The following BEND3 variants were observed in gnomAD, a reference collection of about 807,000 sequenced individuals.
BEND3 encodes the protein BEN domain containing 3.
A neutral mutation model predicts 60.1 loss-of-function variants in BEND3; 13 were observed. The observed-to-expected ratio is 0.22, with a 90% confidence interval of 0.14 to 0.34. The LOEUF (loss-of-function observed/expected upper bound fraction) is 0.34, where lower values mean the gene tolerates loss of function less well. Ranked by LOEUF, BEND3 falls within the 10% of genes least tolerant of loss-of-function variation. BEND3 has a pLI of 1.00. For missense variants in BEND3, 896 were observed against 1,138.1 expected (o/e 0.79, Z 3.06); for synonymous variants, 497 against 491.5 (o/e 1.01, Z -0.15).
At chr6:107,103,374 GCCTA>G (rs1415461084) in intron 1 of BEND3, among the ~76,000 whole-genome samples, 2 of 152,108 alleles carry the variant, frequency 1.3e-5, no homozygotes, top group South Asian at 2.1e-4. Context: ...CATTCCTCTC[GCCTA>G]CCTGACTATA....
chr6:107,106,936 CTTTT>C (rs35443143), intron 1 of BEND3, among the ~76,000 whole-genome samples: 3 of 128,518 alleles, frequency 2.3e-5, no homozygotes, highest in Admixed American at 7.9e-5. Flanking sequence ...TCAAAGAGGG[CTTTT>C]TTTTTTTTTT....
intron 1 of BEND3, chr6:107,114,543 G>C (rs1250159637): frequency 6.6e-6 from 1 of 151,516 alleles, no homozygotes; most frequent in Admixed American, 6.6e-5. Context: ...CTCGCCGCCC[G>C]GCATCTCCCT....
At chr6:107,082,485 A>T (rs1775254702) in intron 3 of BEND3, among the ~76,000 whole-genome samples, 1 of 152,102 alleles carries the variant, frequency 6.6e-6, no homozygotes, top group Non-Finnish European at 1.5e-5. Flanking sequence ...CCCAGGCTGG[A>T]GTGTAGTGGT....
chr6:107,099,280 G>A lies in BEND3; in HGVS notation c.6C>T (p.Asn2=). The stretch of plus-strand genomic sequence containing the variant: ...CTACATCTTCGGTGAATTCAGTTGA[G>A]TTCATCTTCTATTCCGCTAAATAAA... M[N]STEFTEDVEE... Residue 2 remains asparagine (N), a synonymous_variant, in exon 2 of 4, where the codon AAC becomes AAT. Coordinates refer to ENST00000369042, the MANE Select transcript of BEND3 (RefSeq NM_001367314.1). 1 of 1,610,262 alleles carries A rather than the reference G, an allele frequency of 6.2e-7. No individual in the cohort carries two copies. The highest frequency in any genetic ancestry group is 8.5e-7 in the Non-Finnish European group (1 of 1,177,556).
At chr6:107,073,274 C>G (rs1775030478) in intron 3 of BEND3, among the ~76,000 whole-genome samples, 1 of 116,804 alleles carries the variant, frequency 8.6e-6, no homozygotes. Context: ...TGTATGTGAG[C>G]AAATGGTCAG....
intron 3 of BEND3, among the ~76,000 whole-genome samples, chr6:107,074,592 G>C (rs373371825): frequency 2.6e-5 from 4 of 152,088 alleles, no homozygotes; most frequent in Non-Finnish European, 4.4e-5. Context: ...ACTCATGGAA[G>C]GCACTTCTTA....
At chr6:107,109,548 G>A (rs1390589519) in intron 1 of BEND3, among the ~76,000 whole-genome samples, 1 of 151,650 alleles carries the variant, frequency 6.6e-6, no homozygotes, top group East Asian at 1.9e-4. Context: ...AGACCAGCCT[G>A]GGCAATACAG....
At position 107,115,257 on chromosome 6, in the gene BEND3, C is replaced by G. The variant is rs1344846116; in HGVS notation, c.-179G>C. 6.7e-6 allele frequency: 1 copy of G among 149,842 alleles called. No homozygotes were observed. Among genetic ancestry groups the G allele is most frequent in the Non-Finnish European group, 1.5e-5 (1 of 67,076 alleles). 9.3% of individuals were successfully genotyped at this position (149,842 alleles called of 1,614,324 possible). On this transcript the variant is annotated 5_prime_UTR_variant, in exon 1 of 4. Transcript: ENST00000369042. The stretch of plus-strand genomic sequence containing the variant: ...GGCGGGCGAGCGCCGTGTATTTTCC[C>G]CTCTCTTTGTGTGTGTCCGTGCGCT...
At chr6:107,105,681 G>A (rs1355601331) in intron 1 of BEND3, among the ~76,000 whole-genome samples, 2 of 152,164 alleles carry the variant, frequency 1.3e-5, no homozygotes, top group Admixed American at 6.5e-5. Context: ...GCCCAGAAAT[G>A]GGAAGTACTT....
intron 3 of BEND3, among the ~76,000 whole-genome samples, chr6:107,073,514 G>A (rs1238004109): frequency 2.6e-5 from 4 of 151,994 alleles, no homozygotes; most frequent in African/African-American, 9.7e-5. Flanking sequence ...GCCTAGCAAA[G>A]TGCCCAGGGT....
In BEND3 at chr6:107,086,563, C is replaced by T. The variant is rs569570569; in HGVS notation, c.240+11988G>A. ...CTGGGAGGCGAAGGTTGCAGTGAGC[C>T]GAAATCGCGTCACTGCACTCTGGCC... On this transcript the variant is annotated intron_variant, in intron 3 of 3. Coordinates refer to ENST00000369042, the MANE Select transcript of BEND3 (RefSeq NM_001367314.1). Among the ~76,000 whole-genome samples, 9 of 147,264 alleles carry T rather than the reference C, an allele frequency of 6.1e-5. No homozygotes were observed. The East Asian group carries it at 8.4e-4, about 14-fold the overall frequency.
intron 1 of BEND3, among the ~76,000 whole-genome samples, chr6:107,113,162 A>G (rs1286913683): frequency 3.3e-5 from 5 of 149,554 alleles, no homozygotes; most frequent in African/African-American, 1.2e-4. Context: ...GTCTAAAAAA[A>G]AAAAGCACGG....
chr6:107,069,606 T>C lies in BEND3; in HGVS notation c.1585A>G (p.Ile529Val). The change falls in exon 4 of 4, where the codon ATC (isoleucine) becomes GTC (valine). Residue 529 changes from isoleucine to valine, a missense_variant. Transcript: ENST00000369042. ...TCGAAGTCGATGGGCACCAGCCAGATCTTCTTGGAGCGGCGACCCGGCCGC... is the reference window on the plus strand; with the variant it reads ...TCGAAGTCGATGGGCACCAGCCAGACCTTCTTGGAGCGGCGACCCGGCCGC... ...GERPGRRSKK[I>V]WLVPIDFDKL... The C allele has an allele frequency of 1.2e-6, 2 of 1,612,450 alleles. No homozygotes were observed. Among genetic ancestry groups the C allele is most frequent in the Non-Finnish European group, 1.7e-6 (2 of 1,179,990 alleles).
In BEND3 at chr6:107,093,164, T is replaced by C. The variant is rs116559686; in HGVS notation, c.240+5387A>G. ...TATATGGACAGACAAAAGCCCAGAA[T>C]AGCCAACACAATAGTGAAAGAAAAG... On this transcript the variant is annotated intron_variant, in intron 3 of 3. Coordinates refer to ENST00000369042, the MANE Select transcript of BEND3 (RefSeq NM_001367314.1). Among the ~76,000 whole-genome samples the C allele has an allele frequency of 9.3e-3, 1,415 of 152,228 alleles. 23 individuals carry two copies. Among genetic ancestry groups the C allele is most frequent in the African/African-American group, 0.032 (1,342 of 41,524 alleles).
intron 3 of BEND3, among the ~76,000 whole-genome samples, chr6:107,083,909 G>A (rs782659233): frequency 1.3e-5 from 2 of 152,094 alleles, no homozygotes; most frequent in African/African-American, 2.4e-5. Context: ...GCAACACAGC[G>A]AGACCCTATC....
chr6:107,107,801 T>C (rs1775850717), intron 1 of BEND3, among the ~76,000 whole-genome samples: 1 of 152,204 alleles, frequency 6.6e-6, no homozygotes, highest in Admixed American at 6.5e-5. Context: ...GAACTGCAAA[T>C]TAAATAAAAT....
Position 107,070,045 on chromosome 6 carries a change from C to G in BEND3, c.1146G>C (p.Arg382=). The G allele has an allele frequency of 6.2e-7, 1 of 1,613,712 alleles. No individual in the cohort carries two copies. The change falls in exon 4 of 4, where the codon CGG becomes CGC. Residue 382 remains arginine, a synonymous_variant. Transcript: ENST00000369042. The surrounding 1 kb of genome is among the most constrained non-coding windows in gnomAD (Gnocchi z 6.9). ...KDQEEALSLD[R]SSTIASDHVV... ...CGTGGTCTGAGGCGATGGTGCTGCT[C>G]CGGTCAAGAGACAGGGCCTCCTCCT...
intron 1 of BEND3, among the ~76,000 whole-genome samples, chr6:107,113,002 C>T (rs1554238715): frequency 1.3e-5 from 2 of 149,804 alleles, no homozygotes; most frequent in Non-Finnish European, 3.0e-5. Flanking sequence ...ATTAAAAATA[C>T]AAAAAATTAG....
At chr6:107,093,538 C>A (rs954581461) in intron 3 of BEND3, among the ~76,000 whole-genome samples, 55 of 151,604 alleles carry the variant, frequency 3.6e-4, no homozygotes, top group Admixed American at 1.8e-3. Flanking sequence ...CTACAGTAAT[C>A]AAGACAGGGT....
Sources: allele counts gnomAD v4.1 joint callset (sites outside exome capture counted in the v4.1 genomes callset), GRCh38; gene constraint gnomAD v4.1.1; non-coding constraint Gnocchi (gnomAD v3.1); transcripts MANE v1.5; gene names NCBI Gene and HGNC (gene_info 2026-07-23, HGNC 2026-07-21).